The following GRAMD4 variants were observed in gnomAD, a reference collection of about 807,000 sequenced individuals.
The protein encoded by GRAMD4 is GRAM domain-containing protein 4.
Under a neutral mutation model 83.9 loss-of-function variants are expected in GRAMD4, and 25 were observed. The ratio of observed to expected loss-of-function variants is 0.30; its 90% CI spans 0.22 to 0.42. The LOEUF is 0.42. Ranked by LOEUF, GRAMD4 falls within the 10% of genes least tolerant of loss-of-function variation. The probability of loss-of-function intolerance (pLI) is 1.00; values close to 1 mark genes in which losing one functional copy is unlikely to be tolerated. For synonymous variants in GRAMD4, 336 were observed against 320.9 expected (o/e 1.05, Z -0.50); for missense variants, 593 against 788.7 (o/e 0.75, Z 2.97).
chr22:46,622,769 T>G lies in GRAMD4; in HGVS notation c.-50+2204T>G, dbSNP rs1304519141. On this transcript the variant is annotated intron_variant, in intron 1 of 18. Coordinates refer to ENST00000406902, the MANE Select transcript of GRAMD4 (RefSeq NM_015124.5). This position sits in a 1 kb window ranked among gnomAD's most constrained non-coding sequence, Gnocchi z 4.0. Reference sequence around the variant, plus strand: ...TCTACTAAAAATACAAAAAATTAGCTGGTGTGGTGGCGGGTGCCTGTAGTC... The same window carrying G: ...TCTACTAAAAATACAAAAAATTAGCGGGTGTGGTGGCGGGTGCCTGTAGTC... Among the ~76,000 whole-genome samples the G allele has an allele frequency of 2.6e-5, 4 of 151,818 alleles. No homozygotes were observed. Among genetic ancestry groups the G allele is most frequent in the Non-Finnish European group, 4.4e-5 (3 of 67,936 alleles).
chr22:46,595,156 G>T (rs1336450598), intron 1 of GRAMD4, among the ~76,000 whole-genome samples: 2 of 152,156 alleles, frequency 1.3e-5, no homozygotes, highest in African/African-American at 2.4e-5. Context: ...GGTGGGGGAA[G>T]TGAAGTCAGT....
Position 46,626,894 on chromosome 22 carries a change from G to A in GRAMD4, c.95G>A (p.Cys32Tyr), listed in dbSNP as rs756360195. ...AESPNASDTE[C>Y]SDEIPLKVPR... ...TCTCCAAATGCCTCGGACACCGAATGCAGCGACGAAATCCCCCTGAAGGTA... is the reference window on the plus strand; with the variant it reads ...TCTCCAAATGCCTCGGACACCGAATACAGCGACGAAATCCCCCTGAAGGTA... Residue 32 changes from cysteine (C) to tyrosine (Y), a missense_variant, in exon 2 of 19, where the codon TGC (cysteine) becomes TAC (tyrosine). Coordinates refer to ENST00000406902, the MANE Select transcript of GRAMD4 (RefSeq NM_015124.5). 7 of 1,614,196 alleles carry A rather than the reference G, an allele frequency of 4.3e-6. No individual in the cohort carries two copies. The South Asian group carries it at 5.5e-5, about 13-fold the overall frequency.
chr22:46,604,041 G>A (rs1841823854), intron 1 of GRAMD4, among the ~76,000 whole-genome samples: 2 of 152,200 alleles, frequency 1.3e-5, no homozygotes, highest in Admixed American at 1.3e-4. Flanking sequence ...GATTGGTGGA[G>A]TGAGTTATCT....
rs751613949 is a variant in GRAMD4, at chr22:46,626,783, G to A, written c.-17G>A. ...GAGCGTCATGTTAGGGTGAAGCAGA[G>A]GACCTCAGTGCTGAACATGCTAAGG... On this transcript the variant is annotated 5_prime_UTR_variant, in exon 2 of 19. Coordinates refer to ENST00000406902, the MANE Select transcript of GRAMD4 (RefSeq NM_015124.5). 1 of 1,611,668 alleles carries A rather than the reference G, an allele frequency of 6.2e-7. No individual in the cohort carries two copies. The highest frequency in any genetic ancestry group is 1.7e-4 in the Middle Eastern group (1 of 6,052).
In GRAMD4 at chr22:46,620,502, T is replaced by A. The variant is rs1170973690; in HGVS notation, c.-113T>A. The A allele has an allele frequency of 3.6e-5, 35 of 974,482 alleles. No homozygotes were observed. The highest frequency in any genetic ancestry group is 7.0e-5 in the Admixed American group (1 of 14,186). 60.4% of individuals were successfully genotyped at this position (974,482 alleles called of 1,614,324 possible). A position where few individuals can be genotyped will look rare whatever the true frequency, so the allele number is the denominator to read the frequency against. ...GGGTCCTCGTAGCACATCCTGGTTC[T>A]GGGCCAGGACCTGAAGGAGCCACAG... is the stretch of plus-strand genomic sequence containing the variant. On this transcript the variant is annotated 5_prime_UTR_variant, in exon 1 of 19. Coordinates refer to ENST00000406902, the MANE Select transcript of GRAMD4 (RefSeq NM_015124.5). This position sits in a 1 kb window ranked among gnomAD's most constrained non-coding sequence, Gnocchi z 4.7.
rs181412226 is a variant in GRAMD4 at position 46,675,013 on chromosome 22, C to T, written c.1478+263C>T. 3.0e-3 allele frequency among the ~76,000 whole-genome samples: 455 copies of T among 152,336 alleles called. 1 individual carries two copies. Among genetic ancestry groups the T allele is most frequent in the African/African-American group, 0.011 (440 of 41,572 alleles). ...CTGGGGCCCAAGCAGTTCATGGAGACGAGGGGCAGAGTCTCCCAAGGAGGG... is the reference window on the plus strand; with the variant it reads ...CTGGGGCCCAAGCAGTTCATGGAGATGAGGGGCAGAGTCTCCCAAGGAGGG... On this transcript the variant is annotated intron_variant, in intron 16 of 18. Transcript: ENST00000406902.
In GRAMD4 at chr22:46,577,372, C is replaced by T. The variant is rs1200822628; in HGVS notation, c.-50+82C>T. 3.8e-6 allele frequency: 3 copies of T among 787,736 alleles called. No individual in the cohort carries two copies. The African/African-American group carries it at 6.0e-5, about 16-fold the overall frequency. The allele number at this position is 787,736 out of a possible 1,614,324, so 48.8% of individuals were successfully genotyped here. A position where few individuals can be genotyped will look rare whatever the true frequency, so the allele number is the denominator to read the frequency against. On this transcript the variant is annotated intron_variant, in intron 1 of 1. Coordinates refer to the GRAMD4 transcript ENST00000431155. Reference sequence around the variant, plus strand: ...TCCCTTTTGGGCTGGCGGCTCGCGACCCAGCTCACTCGGCCGCGCTCTCCC... The same window carrying T: ...TCCCTTTTGGGCTGGCGGCTCGCGATCCAGCTCACTCGGCCGCGCTCTCCC...
At chr22:46,653,957 C>A (rs909834788) in intron 3 of GRAMD4, among the ~76,000 whole-genome samples, 1 of 152,200 alleles carries the variant, frequency 6.6e-6, no homozygotes, top group Non-Finnish European at 1.5e-5. Context: ...GATGGAAACA[C>A]CCCGTGGCTC....
intron 3 of GRAMD4, among the ~76,000 whole-genome samples, chr22:46,647,179 T>A (rs1197674075): frequency 6.6e-6 from 1 of 152,140 alleles, no homozygotes; most frequent in African/African-American, 2.4e-5. Flanking sequence ...CGACTGTGAG[T>A]GGGTGACCCA....
intron 3 of GRAMD4, among the ~76,000 whole-genome samples, chr22:46,640,742 G>A (rs922182593): frequency 1.3e-5 from 2 of 152,050 alleles, no homozygotes; most frequent in Admixed American, 6.5e-5. Context: ...ACCACTGGCC[G>A]CAACAAGATT....
rs549646959 is a variant in GRAMD4 at position 46,596,402 on chromosome 22, T to C, written c.-50+19112T>C. ...GCCATCTGGCCACAGTCCCGAAGTCTTTGTCACCATCCCTCTGTGGGTGGG... is the reference window on the plus strand; with the variant it reads ...GCCATCTGGCCACAGTCCCGAAGTCCTTGTCACCATCCCTCTGTGGGTGGG... On this transcript the variant is annotated intron_variant, in intron 1 of 1. Coordinates refer to the GRAMD4 transcript ENST00000431155. Among the ~76,000 whole-genome samples, 3 of 152,374 alleles carry C rather than the reference T, an allele frequency of 2.0e-5. No homozygotes were observed. The South Asian group carries it at 6.2e-4, about 32-fold the overall frequency.
chr22:46,630,322 G>A (rs945106261), intron 2 of GRAMD4, among the ~76,000 whole-genome samples: 3 of 152,140 alleles, frequency 2.0e-5, no homozygotes, highest in Non-Finnish European at 2.9e-5. Context: ...CACCGCGCCC[G>A]ACCTGTTGTC....
At chr22:46,669,710 G>A (rs999609660) in intron 13 of GRAMD4, among the ~76,000 whole-genome samples, 2 of 151,766 alleles carry the variant, frequency 1.3e-5, no homozygotes, top group African/African-American at 4.8e-5. Context: ...CAAGTAGCTG[G>A]GACTACAGGC....
At position 46,665,629 on chromosome 22, in the gene GRAMD4, C is replaced by T. The variant is rs761284979; in HGVS notation, c.732C>T (p.Ala244=). ...CTCACCCGCAGGTGTACATGAATGC[C>T]GTGTGGCATGGCTGGGCCATCCCAT... ...SAIAFTVYMN[A]VWHGWAIPLF... Residue 244 remains alanine, a synonymous_variant, in exon 9 of 19, where the codon GCC becomes GCT. Coordinates refer to ENST00000406902, the MANE Select transcript of GRAMD4 (RefSeq NM_015124.5). 1.2e-5 allele frequency: 19 copies of T among 1,591,390 alleles called. No homozygotes were observed. Among genetic ancestry groups the T allele is most frequent in the East Asian group, 4.5e-5 (2 of 44,792 alleles).
intron 3 of GRAMD4, among the ~76,000 whole-genome samples, chr22:46,643,108 C>G (rs2082000980): frequency 6.6e-6 from 1 of 151,482 alleles, no homozygotes. Context: ...TCCATCCATC[C>G]ATCCATCCAT....
rs2082617178 is a variant in GRAMD4 at position 46,677,511 on chromosome 22, A to G, written c.*260A>G. The G allele has an allele frequency of 1.6e-6, 2 of 1,249,418 alleles. No individual in the cohort carries two copies. Among genetic ancestry groups the G allele is most frequent in the African/African-American group, 1.5e-5 (1 of 66,290 alleles). The allele number at this position is 1,249,418 out of a possible 1,614,324, so 77.4% of individuals were successfully genotyped here. A position where few individuals can be genotyped will look rare whatever the true frequency, so the allele number is the denominator to read the frequency against. ...CCACCCGCAGACTGGGGGAGGGGGC[A>G]GAGGCCCTCGGGGGCCCGTGGAGAA... On this transcript the variant is annotated 3_prime_UTR_variant, in exon 19 of 19. Coordinates refer to ENST00000406902, the MANE Select transcript of GRAMD4 (RefSeq NM_015124.5).
At chr22:46,591,917 A>G (rs2081213857) in intron 1 of GRAMD4, among the ~76,000 whole-genome samples, 1 of 115,614 alleles carries the variant, frequency 8.6e-6, no homozygotes, top group South Asian at 2.9e-4. Context: ...GCCCAGGGAC[A>G]GTCAGAAAGC....
intron 3 of GRAMD4, among the ~76,000 whole-genome samples, chr22:46,643,909 G>A (rs550456476): frequency 2.6e-5 from 4 of 152,152 alleles, no homozygotes; most frequent in African/African-American, 9.6e-5. Context: ...CGTTTCCATG[G>A]TTCCAAAGTC....
chr22:46,663,739 C>T (rs1440473043), intron 6 of GRAMD4, 99 bp from the exon 7 acceptor site: 12 of 1,185,992 alleles, frequency 1.0e-5, no homozygotes, highest in South Asian at 6.1e-5. Flanking sequence ...TTGAGACGTC[C>T]TCCCTGGCCC....
Sources: allele counts gnomAD v4.1 joint callset (sites outside exome capture counted in the v4.1 genomes callset), GRCh38; gene constraint gnomAD v4.1.1; non-coding constraint Gnocchi (gnomAD v3.1); transcripts MANE v1.5; gene names NCBI Gene and HGNC (gene_info 2026-07-23, HGNC 2026-07-21).